The following GALNT13 variants were observed in gnomAD, a reference collection of about 807,000 sequenced individuals.
The protein encoded by GALNT13 is UDP-GalNAc:polypeptide N-acetylgalactosaminyltransferase 13.
GALNT13 carries 28 observed loss-of-function variants against 64.2 expected under a neutral mutation model. The observed-to-expected ratio is 0.44, with a 90% CI of 0.32 to 0.60. The LOEUF (loss-of-function observed/expected upper bound fraction) is 0.60, where lower values mean the gene tolerates loss of function less well. Among genes scored for constraint, GALNT13 ranks in the 20% least tolerant of loss-of-function variants. The pLI is 0.05. For missense variants in GALNT13, 577 were observed against 669.8 expected (o/e 0.86, Z 1.53); for synonymous variants, 214 against 224.6 (o/e 0.95, Z 0.42).
At chr2:153,708,995 TAA>T in the GALNT13 span, among the ~76,000 whole-genome samples, 8 of 152,146 alleles carry the variant, frequency 5.3e-5, no homozygotes, top group East Asian at 1.4e-3. Flanking sequence ...CAAAACGGAT[TAA>T]AGACTTAACA....
At chr2:153,257,304 C>T in the GALNT13 span, among the ~76,000 whole-genome samples, 1 of 152,126 alleles carries the variant, frequency 6.6e-6, no homozygotes, top group East Asian at 2.0e-4. Context: ...CCTCGCCCTG[C>T]TTCGGCTCGT....
chr2:153,876,815 TAA>T (rs1370313861), intron 1 of GALNT13, among the ~76,000 whole-genome samples: 1 of 152,160 alleles, frequency 6.6e-6, no homozygotes, highest in Non-Finnish European at 1.5e-5. Context: ...TCTTAATTTT[TAA>T]AAGTTATCAC....
At chr2:153,210,586 C>T in the GALNT13 span, among the ~76,000 whole-genome samples, 197 of 152,240 alleles carry the variant, frequency 1.3e-3, 1 homozygote, top group Admixed American at 3.9e-3. Flanking sequence ...TACCTACATT[C>T]GTCACACATA....
chr2:154,327,004 C>T (rs1559092436), intron 9 of GALNT13, among the ~76,000 whole-genome samples: 1 of 152,126 alleles, frequency 6.6e-6, no homozygotes, highest in East Asian at 1.9e-4. Context: ...GGCTTTGTCT[C>T]CCCAACCCAG....
chr2:154,385,415 T>G (rs574481954), intron 9 of GALNT13, among the ~76,000 whole-genome samples: 1 of 152,074 alleles, frequency 6.6e-6, no homozygotes, highest in East Asian at 1.9e-4. Context: ...TATTTCCCTT[T>G]ATAGGTTTTT....
At chr2:154,150,137 A>G (rs1683896931) in intron 4 of GALNT13, among the ~76,000 whole-genome samples, 1 of 152,192 alleles carries the variant, frequency 6.6e-6, no homozygotes, top group African/African-American at 2.4e-5. Context: ...AATAGCATGA[A>G]GAGTTGTTGA....
chr2:153,210,990 A>G, the GALNT13 span, among the ~76,000 whole-genome samples: 2 of 152,186 alleles, frequency 1.3e-5, no homozygotes, highest in African/African-American at 4.8e-5. Flanking sequence ...ATAGTTTTAT[A>G]TAGAGCATCT....
At chr2:153,978,411 A>G (rs547532864) in intron 3 of GALNT13, among the ~76,000 whole-genome samples, 53 of 152,178 alleles carry the variant, frequency 3.5e-4, no homozygotes, top group African/African-American at 1.3e-3. Flanking sequence ...TATGTCTGAT[A>G]TGGTTTGGCT....
chr2:153,160,682 GA>G, the GALNT13 span, among the ~76,000 whole-genome samples: 1 of 152,190 alleles, frequency 6.6e-6, no homozygotes, highest in Non-Finnish European at 1.5e-5. Context: ...TAGACATCCA[GA>G]TAAGTCATGG....
chr2:154,151,626 C>A (rs1359561990), intron 4 of GALNT13, among the ~76,000 whole-genome samples: 1 of 152,130 alleles, frequency 6.6e-6, no homozygotes, highest in Non-Finnish European at 1.5e-5. Context: ...GTATTGGGTG[C>A]ATATATATTT....
At chr2:154,434,585 G>A (rs995250611) in intron 11 of GALNT13, among the ~76,000 whole-genome samples, 2 of 152,050 alleles carry the variant, frequency 1.3e-5, no homozygotes, top group African/African-American at 2.4e-5. Context: ...ATCATCACCT[G>A]TATCATTATC....
chr2:154,369,799 G>A (rs1018642769), intron 9 of GALNT13, among the ~76,000 whole-genome samples: 4 of 152,130 alleles, frequency 2.6e-5, no homozygotes, highest in Non-Finnish European at 4.4e-5. Flanking sequence ...CAAGATTAAG[G>A]TGTCAATGAA....
At chr2:154,126,707 C>G (rs915889983) in intron 3 of GALNT13, among the ~76,000 whole-genome samples, 2 of 151,662 alleles carry the variant, frequency 1.3e-5, no homozygotes, top group Non-Finnish European at 2.9e-5. Flanking sequence ...AATCCACAAT[C>G]TTGAGATTTT....
intron 9 of GALNT13, 93 bp downstream of exon 9, chr2:154,301,682 T>G: frequency 1.2e-6 from 1 of 843,738 alleles, no homozygotes; most frequent in Non-Finnish European, 1.8e-6. Flanking sequence ...ATTCTTCTAG[T>G]TAAAATATTG....
At chr2:153,485,117 G>A in the GALNT13 span, among the ~76,000 whole-genome samples, 2 of 152,298 alleles carry the variant, frequency 1.3e-5, no homozygotes, top group African/African-American at 4.8e-5. Flanking sequence ...TTTCTTATAG[G>A]ACTGTATATC....
Position 154,160,806 on chromosome 2 carries a change from C to T in GALNT13, c.311+20301C>T, listed in dbSNP as rs1573778831. On this transcript the variant is annotated intron_variant, in intron 4 of 12. Transcript: ENST00000392825. ...GAAAATACCATCATGTACCTAACGC[C>T]TTTAAATTCCCTTACTTCATTGAAC... Among the ~76,000 whole-genome samples, 4 of 152,272 alleles carry T rather than the reference C, an allele frequency of 2.6e-5. No individual in the cohort carries two copies. In the East Asian group the frequency reaches 7.7e-4, roughly 29 times the overall value.
chr2:153,729,833 A>G, the GALNT13 span, among the ~76,000 whole-genome samples: 1 of 152,034 alleles, frequency 6.6e-6, no homozygotes, highest in Non-Finnish European at 1.5e-5. Flanking sequence ...TACACCAAAA[A>G]CAATCAAGCT....
chr2:154,410,565 T>TA (rs1699747025), intron 11 of GALNT13, among the ~76,000 whole-genome samples: 1 of 151,868 alleles, frequency 6.6e-6, no homozygotes, highest in South Asian at 2.1e-4. Flanking sequence ...CTAGAGGCTC[T>TA]ACACGTCTCA....
intron 9 of GALNT13, among the ~76,000 whole-genome samples, chr2:154,347,215 G>C (rs1696117491): frequency 6.6e-6 from 1 of 152,004 alleles, no homozygotes; most frequent in African/African-American, 2.4e-5. Flanking sequence ...TTCAGTACTT[G>C]TATTTCCTCT....
Sources: allele counts gnomAD v4.1 joint callset (sites outside exome capture counted in the v4.1 genomes callset), GRCh38; gene constraint gnomAD v4.1.1; transcripts MANE v1.5; gene names NCBI Gene and HGNC (gene_info 2026-07-23, HGNC 2026-07-21).